LMBRD2: variants seen among roughly 807,000 people sequenced by gnomAD.
The protein encoded by LMBRD2 is G protein-coupled receptor-associated protein LMBRD2.
A neutral mutation model predicts 94.4 loss-of-function variants in LMBRD2; 55 were observed. The ratio of observed to expected loss-of-function variants is 0.58; its 90% CI spans 0.47 to 0.73. The LOEUF is 0.73. LMBRD2 is among the 30% of genes least tolerant of loss of function. The pLI, the probability that LMBRD2 is intolerant of heterozygous loss-of-function variation, is 0.00. For synonymous variants in LMBRD2, 246 were observed against 272.4 expected, an observed-to-expected ratio of 0.90 and a Z score of 0.95; for missense variants, 640 against 831.9, an observed-to-expected ratio of 0.77 and a Z score of 2.84.
chr5:36,111,302 T>C, intron 13 of LMBRD2, 44 bp from the exon 14 acceptor site: 1 of 1,230,936 alleles, frequency 8.1e-7, no homozygotes, highest in Non-Finnish European at 1.2e-6. Context: ...TTATTTCACA[T>C]TGTAAATATT....
chr5:36,143,542 G>A lies in LMBRD2; in HGVS notation c.-57-136C>T, dbSNP rs1744467728. The A allele has an allele frequency of 2.5e-5, 10 of 408,030 alleles. No homozygotes were observed. In the Admixed American group the frequency reaches 3.9e-4, roughly 16 times the overall value. The allele number at this position is 408,030 out of a possible 1,614,324, so 25.3% of individuals were successfully genotyped here. A position where few individuals can be genotyped will look rare whatever the true frequency, so the allele number is the denominator to read the frequency against. ...AATGTCATGCTTCACATTGGACTAT[G>A]AATAAGATTAAAAGGGTAATTCCTA... On this transcript the variant is annotated intron_variant, in intron 1 of 17. Coordinates refer to ENST00000296603, the MANE Select transcript of LMBRD2 (RefSeq NM_001007527.2).
intron 6 of LMBRD2, among the ~76,000 whole-genome samples, chr5:36,131,911 G>A (rs752279454): frequency 1.3e-5 from 2 of 151,850 alleles, no homozygotes; most frequent in South Asian, 2.1e-4. Flanking sequence ...CTACAATTTC[G>A]ATGCAATCTC....
chr5:36,113,330 C>G (rs956599102), intron 13 of LMBRD2, among the ~76,000 whole-genome samples: 1 of 152,038 alleles, frequency 6.6e-6, no homozygotes, highest in Admixed American at 6.6e-5. Context: ...CACGAGGACC[C>G]CCTTAGAGTT....
At chr5:36,131,536 A>T (rs546113889) in intron 6 of LMBRD2, among the ~76,000 whole-genome samples, 155 of 152,266 alleles carry the variant, frequency 1.0e-3, no homozygotes, top group African/African-American at 3.7e-3. Flanking sequence ...GGAAAGAAAG[A>T]AGTCAAATTA....
At chr5:36,128,251 A>G (rs996831909) in intron 6 of LMBRD2, among the ~76,000 whole-genome samples, 2 of 152,194 alleles carry the variant, frequency 1.3e-5, no homozygotes, top group African/African-American at 4.8e-5. Flanking sequence ...AAAAACTTAG[A>G]TTACAATACC....
chr5:36,140,727 G>A (rs1018101579), intron 4 of LMBRD2, among the ~76,000 whole-genome samples: 4 of 152,098 alleles, frequency 2.6e-5, no homozygotes, highest in African/African-American at 9.7e-5. Flanking sequence ...GAGGACGGAA[G>A]TTTGAAGTGA....
At chr5:36,115,221 T>C (rs562267014) in intron 11 of LMBRD2, 101 bp from the exon 12 acceptor site, 7 of 657,958 alleles carry the variant, frequency 1.1e-5, no homozygotes, top group African/African-American at 5.6e-5. Flanking sequence ...TAATTATAGC[T>C]AAAATTTTCA....
rs1411033617 is a variant in LMBRD2, at chr5:36,103,577, T to C, written c.*469A>G. 2 of 152,520 alleles carry C rather than the reference T, an allele frequency of 1.3e-5. No individual in the cohort carries two copies. The highest frequency in any genetic ancestry group is 6.6e-5 in the Admixed American group (1 of 15,258). 9.4% of individuals were successfully genotyped at this position (152,520 alleles called of 1,614,324 possible). A position where few individuals can be genotyped will look rare whatever the true frequency, so the allele number is the denominator to read the frequency against. ...CGAGTTTTATGAATACAGTTATTAT[T>C]TGAGGTCTCCATTCACTTACATTTC... On this transcript the variant is annotated 3_prime_UTR_variant, in exon 18 of 18. Transcript: ENST00000296603.
chr5:36,111,445 T>C (rs1256999083), intron 13 of LMBRD2, among the ~76,000 whole-genome samples, 187 bp from the exon 14 acceptor site: 2 of 152,090 alleles, frequency 1.3e-5, no homozygotes, highest in East Asian at 1.9e-4. Flanking sequence ...AAGAAGTGTA[T>C]GCCCTGTACT....
intron 14 of LMBRD2, among the ~76,000 whole-genome samples, chr5:36,110,779 T>C (rs1217692189): frequency 1.3e-5 from 2 of 152,238 alleles, no homozygotes; most frequent in African/African-American, 4.8e-5. Flanking sequence ...TAGCCTTTGT[T>C]TGAATGATTT....
At chr5:36,148,780 T>A (rs1444038008) in intron 1 of LMBRD2, among the ~76,000 whole-genome samples, 2 of 152,228 alleles carry the variant, frequency 1.3e-5, no homozygotes, top group East Asian at 3.9e-4. Context: ...TGGATCATAA[T>A]TACATGTCTC....
intron 9 of LMBRD2, among the ~76,000 whole-genome samples, chr5:36,118,781 A>G (rs1399112442): frequency 6.6e-6 from 1 of 151,724 alleles, no homozygotes; most frequent in Non-Finnish European, 1.5e-5. Flanking sequence ...CTCCCAAGTA[A>G]CTGGAATTAC....
intron 2 of LMBRD2, chr5:36,142,803 C>T (rs890821360): frequency 7.3e-6 from 3 of 408,232 alleles, no homozygotes; most frequent in Non-Finnish European, 1.3e-5. Flanking sequence ...CGGCTTACTG[C>T]AAGCTCCGCC....
intron 14 of LMBRD2, among the ~76,000 whole-genome samples, chr5:36,110,321 C>A (rs1368261352): frequency 6.6e-6 from 1 of 152,020 alleles, no homozygotes; most frequent in Non-Finnish European, 1.5e-5. Flanking sequence ...TCTTTTCTTT[C>A]TGTATGAGTC....
intron 10 of LMBRD2, 60 bp from the exon 11 acceptor site, chr5:36,116,653 A>C: frequency 1.4e-6 from 2 of 1,462,982 alleles, no homozygotes; most frequent in Non-Finnish European, 1.9e-6. Flanking sequence ...GCACTTAACA[A>C]TTACAGGCAT....
Position 36,100,260 on chromosome 5 carries a change from T to G in LMBRD2, c.*3786A>C, listed in dbSNP as rs1305669430. 6.6e-6 allele frequency: 1 copy of G among 152,146 alleles called. No individual in the cohort carries two copies. Among genetic ancestry groups the G allele is most frequent in the Admixed American group, 6.6e-5 (1 of 15,262 alleles). The allele number at this position is 152,146 out of a possible 1,614,324, so 9.4% of individuals were successfully genotyped here. A position where few individuals can be genotyped will look rare whatever the true frequency, so the allele number is the denominator to read the frequency against. ...CTATTTTTATGTAAAAATATTACAC[T>G]GAAAACAATTTATTTACTGATGTGT... On this transcript the variant is annotated 3_prime_UTR_variant, in exon 18 of 18. Transcript: ENST00000296603.
intron 12 of LMBRD2, 87 bp from the exon 13 acceptor site, chr5:36,114,608 G>T: frequency 1.5e-6 from 2 of 1,371,402 alleles, no homozygotes; most frequent in Admixed American, 3.1e-5. Flanking sequence ...CCTATAACCA[G>T]TTATATCAAT....
chr5:36,131,725 G>A (rs1389066172), intron 6 of LMBRD2, among the ~76,000 whole-genome samples: 2 of 152,088 alleles, frequency 1.3e-5, no homozygotes, highest in East Asian at 1.9e-4. Context: ...ATTTACAATT[G>A]CTATAACACA....
chr5:36,112,460 T>C (rs1182945685), intron 13 of LMBRD2, among the ~76,000 whole-genome samples: 10 of 152,180 alleles, frequency 6.6e-5, no homozygotes, highest in Non-Finnish European at 1.2e-4. Context: ...AGACTAATTA[T>C]GGCAGCATTT....
Sources: allele counts gnomAD v4.1 joint callset (sites outside exome capture counted in the v4.1 genomes callset), GRCh38; gene constraint gnomAD v4.1.1; transcripts MANE v1.5; gene names NCBI Gene and HGNC (gene_info 2026-07-23, HGNC 2026-07-21).